The following SMIM26 variants were observed in gnomAD, a reference collection of about 807,000 sequenced individuals.
SMIM26 encodes the protein small integral membrane protein 26.
In SMIM26, 2 loss-of-function variants were observed where a neutral mutation model predicts 2.5. That is an observed-to-expected ratio of 0.80 (90% confidence interval 0.33 to 2.53). The LOEUF (loss-of-function observed/expected upper bound fraction) is 2.53, where lower values mean the gene tolerates loss of function less well. SMIM26 is among the 30% of genes most tolerant of loss of function. SMIM26 has a pLI of 0.11. For missense variants in SMIM26, 77 were observed against 46.1 expected (o/e 1.67, Z -1.94); for synonymous variants, 32 against 17.8 (o/e 1.80, Z -2.01).
In SMIM26 at chr20:18,569,545, A is replaced by C; in HGVS notation, c.*140A>C. 1.8e-6 allele frequency: 1 copy of C among 563,656 alleles called. No homozygotes were observed. Among genetic ancestry groups the C allele is most frequent in the Non-Finnish European group, 3.2e-6 (1 of 316,598 alleles). The allele number at this position is 563,656 out of a possible 1,614,324, so 34.9% of individuals were successfully genotyped here. Reference sequence around the variant, plus strand: ...TAATCACTAATAATATGCAATAAATATTTTCTTGAAGGAAACTATCTGCGT... The same window carrying C: ...TAATCACTAATAATATGCAATAAATCTTTTCTTGAAGGAAACTATCTGCGT... On this transcript the variant is annotated 3_prime_UTR_variant, in exon 2 of 2. Coordinates refer to ENST00000411646, the MANE Select transcript of SMIM26 (RefSeq NM_001348957.2).
chr20:18,568,021 GTC>G (rs1205501111), intron 1 of SMIM26, among the ~76,000 whole-genome samples: 2 of 152,214 alleles, frequency 1.3e-5, no homozygotes, highest in Non-Finnish European at 2.9e-5. Flanking sequence ...AGGGAGAAAA[GTC>G]TCTCAGCTTT....
chr20:18,569,600 A>C (rs979337280), downstream of SMIM26: 1 of 470,878 alleles, frequency 2.1e-6, no homozygotes, highest in Admixed American at 3.7e-5. Flanking sequence ...TTTGAGACGG[A>C]GTCTTGCTGT....
At position 18,569,380 on chromosome 20, in the gene SMIM26, C is replaced by T. The variant is rs2122216276; in HGVS notation, c.263C>T (p.Thr88Ile). The part of the protein sequence containing the change: ...EKILNYWKSW[T>I]GGPGTEP ...ATCCTCAACTATTGGAAATCATGGA[C>T]TGGTGGCCCTGGTACAGAACCATGA... Residue 88 changes from threonine (T) to isoleucine (I), a missense_variant, in exon 2 of 2, where the codon ACT becomes ATT. Transcript: ENST00000411646. 1 of 702,864 alleles carries T rather than the reference C, an allele frequency of 1.4e-6. No homozygotes were observed. The highest frequency in any genetic ancestry group is 1.5e-5 in the South Asian group (1 of 67,592). The allele number at this position is 702,864 out of a possible 1,614,324, so 43.5% of individuals were successfully genotyped here. A position where few individuals can be genotyped will look rare whatever the true frequency, so the allele number is the denominator to read the frequency against.
At chr20:18,569,575 T>A, downstream of SMIM26, 9 of 13,416 alleles carry the variant, frequency 6.7e-4, no homozygotes, top group Non-Finnish European at 2.1e-3. Flanking sequence ...CTGCGTTTTC[T>A]TTTTTTTTTT....
At chr20:18,569,203 TC>T in intron 1 of SMIM26, 32 bp from the exon 2 acceptor site, 1 of 589,696 alleles carries the variant, frequency 1.7e-6, no homozygotes, top group South Asian at 1.8e-5. Flanking sequence ...ATTCAGGTGT[TC>T]TTTTTTTTTT....
At position 18,569,219 on chromosome 20, in the gene SMIM26, TC is replaced by T; in HGVS notation, c.119-16del. The stretch of plus-strand genomic sequence containing the variant: ...TTCAGGTGTTCTTTTTTTTTTTTTC[TC>T]TTAATGGTGATAAAGTAGACCAAAA... On this transcript the variant is annotated splice_polypyrimidine_tract_variant and intron_variant, in intron 1 of 1. Coordinates refer to ENST00000411646, the MANE Select transcript of SMIM26 (RefSeq NM_001348957.2). The T allele has an allele frequency of 4.6e-6, 3 of 652,174 alleles. No homozygotes were observed. The highest frequency in any genetic ancestry group is 5.4e-6 in the Non-Finnish European group (2 of 367,632). The allele number at this position is 652,174 out of a possible 1,614,324, so 40.4% of individuals were successfully genotyped here. A position where few individuals can be genotyped will look rare whatever the true frequency, so the allele number is the denominator to read the frequency against.
At position 18,569,374 on chromosome 20, in the gene SMIM26, C is replaced by T. The variant is rs763295015; in HGVS notation, c.257C>T (p.Ser86Leu). 7.1e-6 allele frequency: 5 copies of T among 702,750 alleles called. No homozygotes were observed. The South Asian group carries it at 7.4e-5, about 10-fold the overall frequency. The allele number at this position is 702,750 out of a possible 1,614,324, so 43.5% of individuals were successfully genotyped here. ...GAAAAGATCCTCAACTATTGGAAAT[C>T]ATGGACTGGTGGCCCTGGTACAGAA... The part of the protein sequence containing the change: ...NTEKILNYWK[S>L]WTGGPGTEP Residue 86 changes from serine to leucine, a missense_variant, in exon 2 of 2, where the codon TCA becomes TTA. By Grantham distance (145) the Ser-to-Leu change is moderately radical. Transcript: ENST00000411646.
In SMIM26 at chr20:18,567,513, G is replaced by C; in HGVS notation, c.35G>C (p.Arg12Pro). 1 of 703,062 alleles carries C rather than the reference G, an allele frequency of 1.4e-6. No homozygotes were observed. The highest frequency in any genetic ancestry group is 2.3e-4 in the Middle Eastern group (1 of 4,370). 43.6% of individuals were successfully genotyped at this position (703,062 alleles called of 1,614,324 possible). A position where few individuals can be genotyped will look rare whatever the true frequency, so the allele number is the denominator to read the frequency against. ...YRNEFTAWYR[R>P]MSVVYGIGTW... ...AATGAGTTCACGGCCTGGTACCGGCGGATGTCGGTGGTCTACGGGATCGGC... is the reference window on the plus strand; with the variant it reads ...AATGAGTTCACGGCCTGGTACCGGCCGATGTCGGTGGTCTACGGGATCGGC... Residue 12 changes from arginine to proline, a missense_variant, in exon 1 of 2, where the codon CGG (arginine) becomes CCG (proline). Physicochemically the swap from Arg to Pro is moderately radical, Grantham distance 103. Transcript: ENST00000411646.
At position 18,568,214 on chromosome 20, in the gene SMIM26, G is replaced by A. The variant is rs140624959; in HGVS notation, c.118+618G>A. On this transcript the variant is annotated intron_variant, in intron 1 of 1. Coordinates refer to ENST00000411646, the MANE Select transcript of SMIM26 (RefSeq NM_001348957.2). The stretch of plus-strand genomic sequence containing the variant: ...CTGAATATACTAAAAACATTAAATT[G>A]TATATTTTAAGTGGGTTAATCGTAT... Among the ~76,000 whole-genome samples, 897 of 152,336 alleles carry A rather than the reference G, an allele frequency of 5.9e-3. 13 individuals carry two copies. Among genetic ancestry groups the A allele is most frequent in the African/African-American group, 0.02 (850 of 41,572 alleles).
intron 1 of SMIM26, chr20:18,568,880 GTCC>G: frequency 5.9e-6 from 1 of 168,494 alleles, no homozygotes; most frequent in East Asian, 1.6e-4. Context: ...AACTCAAGCA[GTCC>G]TCCTGCCTCA....
chr20:18,567,737 T>C, intron 1 of SMIM26, 141 bp downstream of exon 1: 1 of 629,062 alleles, frequency 1.6e-6, no homozygotes, highest in Non-Finnish European at 2.9e-6. Flanking sequence ...AACAGCCGTT[T>C]GTTATAATGG....
chr20:18,567,702 T>C, intron 1 of SMIM26, 106 bp downstream of exon 1: 1 of 666,242 alleles, frequency 1.5e-6, no homozygotes, highest in Non-Finnish European at 2.7e-6. Flanking sequence ...AGGTTTATTC[T>C]GCAAAACTAA....
chr20:18,569,312 A>G lies in SMIM26; in HGVS notation c.195A>G (p.Thr65=), dbSNP rs1296371684. 7 of 702,764 alleles carry G rather than the reference A, an allele frequency of 1.0e-5. No homozygotes were observed. The highest frequency in any genetic ancestry group is 1.8e-5 in the Non-Finnish European group (7 of 384,998). The allele number at this position is 702,764 out of a possible 1,614,324, so 43.5% of individuals were successfully genotyped here. A position where few individuals can be genotyped will look rare whatever the true frequency, so the allele number is the denominator to read the frequency against. ...GCCCAAAAGGATTTTATGTGGAAAC[A>G]GTTGTCACATATAAAGAAGATTTTG... ...SERPKGFYVE[T]VVTYKEDFVP... is the part of the protein sequence containing the mutation. Residue 65 remains threonine, a synonymous_variant, in exon 2 of 2, where the codon ACA becomes ACG. Coordinates refer to ENST00000411646, the MANE Select transcript of SMIM26 (RefSeq NM_001348957.2).
In SMIM26 at chr20:18,567,505, G is replaced by C. The variant is rs1044117775; in HGVS notation, c.27G>C (p.Trp9Cys). Reference sequence around the variant, plus strand: ...TGTATCGAAATGAGTTCACGGCCTGGTACCGGCGGATGTCGGTGGTCTACG... The same window carrying C: ...TGTATCGAAATGAGTTCACGGCCTGCTACCGGCGGATGTCGGTGGTCTACG... MYRNEFTAWYRRMSVVYGI... is the reference protein window; with the variant it reads MYRNEFTACYRRMSVVYGI... Residue 9 changes from tryptophan (W) to cysteine (C), a missense_variant, in exon 1 of 2, where the codon TGG becomes TGC. By Grantham distance (215) the Trp-to-Cys change is radical. Transcript: ENST00000411646. The C allele has an allele frequency of 5.5e-5, 39 of 702,954 alleles. No individual in the cohort carries two copies. The highest frequency in any genetic ancestry group is 9.1e-5 in the Non-Finnish European group (35 of 385,020). The allele number at this position is 702,954 out of a possible 1,614,324, so 43.5% of individuals were successfully genotyped here. A position where few individuals can be genotyped will look rare whatever the true frequency, so the allele number is the denominator to read the frequency against.
intron 1 of SMIM26, 100 bp from the exon 2 acceptor site, chr20:18,569,136 T>C (rs963735497): frequency 6.6e-6 from 4 of 603,550 alleles, no homozygotes; most frequent in Admixed American, 5.9e-5. Context: ...AGAGAGTGGA[T>C]GTAATTCTTA....
In SMIM26 at chr20:18,569,508, T is replaced by G. The variant is rs143666555; in HGVS notation, c.*103T>G. 1.6e-3 allele frequency: 1,100 copies of G among 695,268 alleles called. 11 individuals carry two copies. The African/African-American group carries it at 0.017, about 11-fold the overall frequency. 43.1% of individuals were successfully genotyped at this position (695,268 alleles called of 1,614,324 possible). ...TGTGAAAAGTGTATGTATTTAAATT[T>G]GCTGTAAAACATAATCACTAATAAT... On this transcript the variant is annotated 3_prime_UTR_variant, in exon 2 of 2. Transcript: ENST00000411646.
At position 18,569,286 on chromosome 20, in the gene SMIM26, C is replaced by A. The variant is rs562166414; in HGVS notation, c.169C>A (p.Arg57Ser). 1.1e-5 allele frequency: 8 copies of A among 702,040 alleles called. No individual in the cohort carries two copies. The highest frequency in any genetic ancestry group is 1.0e-4 in the South Asian group (7 of 67,590). The allele number at this position is 702,040 out of a possible 1,614,324, so 43.5% of individuals were successfully genotyped here. A position where few individuals can be genotyped will look rare whatever the true frequency, so the allele number is the denominator to read the frequency against. ...ASEVPSELSE[R>S]PKGFYVETVV... ...TGAAGTACCCAGTGAACTCTCTGAACGCCCAAAAGGATTTTATGTGGAAAC... is the reference window on the plus strand; with the variant it reads ...TGAAGTACCCAGTGAACTCTCTGAAAGCCCAAAAGGATTTTATGTGGAAAC... The change falls in exon 2 of 2, where the codon CGC becomes AGC. Residue 57 changes from arginine to serine, a missense_variant. Arg to Ser is a moderately radical substitution (Grantham distance 110). Coordinates refer to ENST00000411646, the MANE Select transcript of SMIM26 (RefSeq NM_001348957.2).
In SMIM26 at chr20:18,569,457, A is replaced by G. The variant is rs1378811403; in HGVS notation, c.*52A>G. 1.4e-6 allele frequency: 1 copy of G among 702,356 alleles called. No individual in the cohort carries two copies. The highest frequency in any genetic ancestry group is 2.0e-5 in the Admixed American group (1 of 49,976). The allele number at this position is 702,356 out of a possible 1,614,324, so 43.5% of individuals were successfully genotyped here. The stretch of plus-strand genomic sequence containing the variant: ...ACTTGGTTCAACATTTAAATTTGAT[A>G]GTTGCCCTGATTCCCATTTTGGGTT... On this transcript the variant is annotated 3_prime_UTR_variant, in exon 2 of 2. Transcript: ENST00000411646.
At chr20:18,567,623 C>T in intron 1 of SMIM26, 27 bp downstream of exon 1, 2 of 702,514 alleles carry the variant, frequency 2.8e-6, no homozygotes, top group Non-Finnish European at 5.2e-6. Flanking sequence ...GGGCCTGCCC[C>T]GGAACACACG....
Sources: allele counts gnomAD v4.1 joint callset (sites outside exome capture counted in the v4.1 genomes callset), GRCh38; gene constraint gnomAD v4.1.1; transcripts MANE v1.5; gene names NCBI Gene and HGNC (gene_info 2026-07-23, HGNC 2026-07-21).